The following STIM2 variants were observed in gnomAD, a reference collection of about 807,000 sequenced individuals.
STIM2 encodes stromal interaction molecule 2.
STIM2 carries 31 observed loss-of-function variants against 85.8 expected under a neutral mutation model. The ratio of observed to expected loss-of-function variants is 0.36; its 90% CI spans 0.27 to 0.49. The LOEUF (loss-of-function observed/expected upper bound fraction) is 0.49, where lower values mean the gene tolerates loss of function less well. STIM2 is among the 20% of genes least tolerant of loss of function. The pLI, the probability that STIM2 is intolerant of heterozygous loss-of-function variation, is 0.98. For missense variants in STIM2, 841 were observed against 927.6 expected (o/e 0.91, Z 1.21); for synonymous variants, 356 against 331.1 (o/e 1.08, Z -0.82).
Position 26,860,910 on chromosome 4 carries a change from T to C in STIM2, c.-309T>C. On this transcript the variant is annotated 5_prime_UTR_variant, in exon 1 of 12. Coordinates refer to ENST00000467087, the MANE Select transcript of STIM2 (RefSeq NM_020860.4). ...GTGCACCGCCTGAAGACGCCGTACC[T>C]TTCTACCCCCCACCTTTTTTTTTTT... 9.0e-7 allele frequency: 1 copy of C among 1,115,248 alleles called. No individual in the cohort carries two copies. The highest frequency in any genetic ancestry group is 1.1e-6 in the Non-Finnish European group (1 of 903,512). 69.1% of individuals were successfully genotyped at this position (1,115,248 alleles called of 1,614,324 possible).
chr4:26,935,253 G>A (rs148659333), intron 2 of STIM2, among the ~76,000 whole-genome samples: 64 of 152,202 alleles, frequency 4.2e-4, no homozygotes, highest in African/African-American at 1.5e-3. Flanking sequence ...AAGGTATTTT[G>A]GTCTTCAGCA....
At chr4:26,957,581 T>C (rs1726293772) in intron 2 of STIM2, 31 bp from the exon 3 acceptor site, 2 of 1,243,062 alleles carry the variant, frequency 1.6e-6, no homozygotes, top group Admixed American at 5.5e-5. Context: ...GTAATGAATT[T>C]ATATTTAACT....
In STIM2 at chr4:26,895,605, C is replaced by T. The variant is rs145879829; in HGVS notation, c.152-23899C>T. Among the ~76,000 whole-genome samples, 282 of 152,162 alleles carry T rather than the reference C, an allele frequency of 1.9e-3. 1 individual carries two copies. The highest frequency in any genetic ancestry group is 6.6e-3 in the African/African-American group (272 of 41,522). On this transcript the variant is annotated intron_variant, in intron 1 of 11. Coordinates refer to ENST00000467087, the MANE Select transcript of STIM2 (RefSeq NM_020860.4). ...CTTTTTTTTATGTTTTTGAATTTGTCCATAACCCAGTTTCATCAGTTTTAA... is the reference window on the plus strand; with the variant it reads ...CTTTTTTTTATGTTTTTGAATTTGTTCATAACCCAGTTTCATCAGTTTTAA...
chr4:26,864,288 G>T (rs1325465129), intron 1 of STIM2, among the ~76,000 whole-genome samples: 3 of 152,062 alleles, frequency 2.0e-5, no homozygotes, highest in Non-Finnish European at 4.4e-5. Context: ...CTTTGAAAGT[G>T]ATTGAAATTT....
intron 3 of STIM2, among the ~76,000 whole-genome samples, chr4:26,981,155 C>CA (rs1204911243): frequency 6.6e-6 from 1 of 152,162 alleles, no homozygotes; most frequent in African/African-American, 2.4e-5. Context: ...AGATTTGTGA[C>CA]ATCGGACAGG....
chr4:26,997,603 T>G (rs957953785), intron 4 of STIM2, among the ~76,000 whole-genome samples: 4 of 152,254 alleles, frequency 2.6e-5, no homozygotes, highest in African/African-American at 9.6e-5. Context: ...CTCATTGTCT[T>G]TCTTAGTCTA....
intron 3 of STIM2, among the ~76,000 whole-genome samples, chr4:26,979,228 A>G (rs780258347): frequency 6.6e-6 from 1 of 152,202 alleles, no homozygotes; most frequent in Non-Finnish European, 1.5e-5. Flanking sequence ...ATTGTTAAAG[A>G]TGAAACATAG....
At chr4:26,920,654 A>G (rs1724762313) in intron 2 of STIM2, among the ~76,000 whole-genome samples, 1 of 152,198 alleles carries the variant, frequency 6.6e-6, no homozygotes, top group African/African-American at 2.4e-5. Flanking sequence ...CATTCTCTGA[A>G]GATCACTTCT....
intron 3 of STIM2, among the ~76,000 whole-genome samples, chr4:26,958,095 T>A (rs2109093870): frequency 6.6e-6 from 1 of 152,222 alleles, no homozygotes; most frequent in Non-Finnish European, 1.5e-5. Context: ...TTCCTAATGT[T>A]TTTAGGAGGC....
chr4:26,917,739 A>C (rs1332520629), intron 1 of STIM2, among the ~76,000 whole-genome samples: 1 of 152,140 alleles, frequency 6.6e-6, no homozygotes, highest in Admixed American at 6.5e-5. Context: ...CCCTTTCCTT[A>C]TATACCAGTT....
At chr4:26,899,458 A>G (rs969286995) in intron 1 of STIM2, among the ~76,000 whole-genome samples, 6 of 152,194 alleles carry the variant, frequency 3.9e-5, no homozygotes, top group Admixed American at 3.3e-4. Flanking sequence ...CTTCTTTCAA[A>G]TCTCTGGAAG....
intron 1 of STIM2, chr4:26,861,582 G>GA: frequency 3.3e-6 from 2 of 612,126 alleles, no homozygotes; most frequent in Non-Finnish European, 4.6e-6. Context: ...GCCTCTCGAC[G>GA]GCACTGATTC....
chr4:26,909,264 G>A (rs1724242869), intron 1 of STIM2, among the ~76,000 whole-genome samples: 1 of 152,056 alleles, frequency 6.6e-6, no homozygotes. Flanking sequence ...ACAAATATGT[G>A]CCATACTCTG....
chr4:26,940,860 A>G (rs1004088491), intron 2 of STIM2, among the ~76,000 whole-genome samples: 3 of 152,174 alleles, frequency 2.0e-5, no homozygotes, highest in African/African-American at 7.2e-5. Context: ...TAAAACACAG[A>G]TGGCTGGGCC....
At chr4:26,873,937 G>A in intron 1 of STIM2, 2 of 1,341,408 alleles carry the variant, frequency 1.5e-6, no homozygotes, top group South Asian at 2.4e-5. Flanking sequence ...ACAGCTGGGT[G>A]CTCTTCTGGC....
intron 2 of STIM2, among the ~76,000 whole-genome samples, chr4:26,920,088 G>T (rs927181793): frequency 1.3e-5 from 2 of 152,174 alleles, no homozygotes; most frequent in Non-Finnish European, 2.9e-5. Flanking sequence ...TGGGGCTGGA[G>T]TATCTAAGAC....
chr4:26,966,567 G>A (rs937509736), intron 3 of STIM2, among the ~76,000 whole-genome samples: 2 of 151,922 alleles, frequency 1.3e-5, no homozygotes, highest in Non-Finnish European at 2.9e-5. Context: ...TTTTAATAGC[G>A]ACTGTAATAG....
chr4:26,876,495 AG>A (rs970188548), intron 1 of STIM2, among the ~76,000 whole-genome samples: 43 of 152,292 alleles, frequency 2.8e-4, no homozygotes, highest in Admixed American at 2.8e-3. Flanking sequence ...TTCTTTTTCC[AG>A]TTACTCTAAC....
chr4:26,904,154 T>G (rs915747968), intron 1 of STIM2, among the ~76,000 whole-genome samples: 1 of 142,708 alleles, frequency 7.0e-6, no homozygotes, highest in Non-Finnish European at 1.5e-5. Context: ...GTCCATGTGT[T>G]CTCATTAATA....
Sources: allele counts gnomAD v4.1 joint callset (sites outside exome capture counted in the v4.1 genomes callset), GRCh38; gene constraint gnomAD v4.1.1; transcripts MANE v1.5; gene names NCBI Gene and HGNC (gene_info 2026-07-23, HGNC 2026-07-21).